The following ASS1 variants were observed in gnomAD, a reference collection of about 807,000 sequenced individuals.
ASS1 encodes the protein argininosuccinate synthase.
Under a neutral mutation model 60.5 loss-of-function variants are expected in ASS1, and 58 were observed. The observed-to-expected ratio is 0.96, with a 90% CI of 0.78 to 1.19. The LOEUF (loss-of-function observed/expected upper bound fraction) is 1.19. Among genes scored for constraint, ASS1 ranks in the 50% most tolerant of loss-of-function variants. The pLI, the probability that ASS1 is intolerant of heterozygous loss-of-function variation, is 0.00. For synonymous variants in ASS1, 200 were observed against 206.9 expected, an observed-to-expected ratio of 0.97 and a Z score of 0.29; for missense variants, 454 against 547.3, an observed-to-expected ratio of 0.83 and a Z score of 1.70.
chr9:130,499,731 C>T (rs542908950), intron 14 of ASS1, among the ~76,000 whole-genome samples, 161 bp downstream of exon 14: 70 of 152,274 alleles, frequency 4.6e-4, no homozygotes, highest in East Asian at 1.7e-3. Context: ...TGTCCATCTG[C>T]CCATAGCATC....
chr9:130,471,453 A>G (rs1288412395), intron 7 of ASS1, 32 bp from the exon 8 acceptor site: 2 of 1,613,634 alleles, frequency 1.2e-6, no homozygotes, highest in Admixed American at 1.7e-5. Flanking sequence ...GTCCCTCCCC[A>G]GCTGACCCTG....
intron 1 of ASS1, 50 bp downstream of exon 1, chr9:130,445,045 C>A: frequency 3.1e-6 from 2 of 648,104 alleles, no homozygotes; most frequent in African/African-American, 2.0e-5. Flanking sequence ...CCGAGAGCAC[C>A]CGCTTCCCGG....
intron 12 of ASS1, among the ~76,000 whole-genome samples, chr9:130,490,705 G>C (rs565316247): frequency 6.6e-6 from 1 of 152,176 alleles, no homozygotes; most frequent in African/African-American, 2.4e-5. Context: ...TGCCGGGCAC[G>C]GTGGCTCATG....
At position 130,478,435 on chromosome 9, in the gene ASS1, G is replaced by A. The variant is rs925506774; in HGVS notation, c.689-1281G>A. Among the ~76,000 whole-genome samples, 1 of 152,174 alleles carries A rather than the reference G, an allele frequency of 6.6e-6. No homozygotes were observed. Among genetic ancestry groups the A allele is most frequent in the South Asian group, 2.1e-4 (1 of 4,828 alleles). On this transcript the variant is annotated intron_variant, in intron 9 of 14. Transcript: ENST00000352480. This position sits in a 1 kb window ranked among gnomAD's most constrained non-coding sequence, Gnocchi z 4.7. ...CTCTGGCAGCCCTGCCCGAGGACCA[G>A]GGCAGCTCCGCAGGCTGAGCTGGAG...
At chr9:130,496,377 T>C (rs907799649) in intron 13 of ASS1, among the ~76,000 whole-genome samples, 1 of 151,764 alleles carries the variant, frequency 6.6e-6, no homozygotes, top group Non-Finnish European at 1.5e-5. Flanking sequence ...GCCATGATCA[T>C]GCCACTGCAC....
intron 4 of ASS1, 35 bp downstream of exon 4, chr9:130,458,624 T>C (rs548135720): frequency 1.2e-6 from 2 of 1,602,406 alleles, no homozygotes; most frequent in South Asian, 2.2e-5. Flanking sequence ...CAGAGGGAGA[T>C]GGAGGCGGAG....
chr9:130,462,058 G>A (rs1413015998), intron 4 of ASS1, among the ~76,000 whole-genome samples: 1 of 152,122 alleles, frequency 6.6e-6, no homozygotes, highest in Non-Finnish European at 1.5e-5. Flanking sequence ...AAATTGAGCC[G>A]CACTCTCCCC....
chr9:130,457,586 T>C (rs1187458651), intron 3 of ASS1, among the ~76,000 whole-genome samples: 1 of 152,322 alleles, frequency 6.6e-6, no homozygotes, highest in East Asian at 1.9e-4. Context: ...GTCTTGGCCT[T>C]GTTCCCGTGT....
intron 5 of ASS1, 141 bp downstream of exon 5, chr9:130,464,308 C>A: frequency 9.6e-7 from 1 of 1,043,704 alleles, no homozygotes; most frequent in Non-Finnish European, 1.5e-6. Flanking sequence ...GGTGGACAGC[C>A]TGCTGGGGAG....
In ASS1 at chr9:130,489,557, C is replaced by A. The variant is rs1564160595; in HGVS notation, c.970+93C>A. 2.5e-6 allele frequency: 4 copies of A among 1,585,884 alleles called. No homozygotes were observed. The East Asian group carries it at 8.9e-5, about 35-fold the overall frequency. ...TCGGGCCTGGCCCTCCCCTCCGTAT[C>A]AGCACCTTCCTCCCCTGCCGCCCAC... is the stretch of plus-strand genomic sequence containing the variant. On this transcript the variant is annotated intron_variant, in intron 12 of 14. Coordinates refer to ENST00000352480, the MANE Select transcript of ASS1 (RefSeq NM_054012.4). This position sits in a 1 kb window ranked among gnomAD's most constrained non-coding sequence, Gnocchi z 4.1.
intron 1 of ASS1, among the ~76,000 whole-genome samples, chr9:130,447,684 G>C (rs961823265): frequency 1.3e-5 from 2 of 152,212 alleles, no homozygotes; most frequent in African/African-American, 4.8e-5. Flanking sequence ...GTGGAGCTGG[G>C]ACTAGGGGAG....
rs1189054685 is a variant in ASS1, at chr9:130,487,803, T to A, written c.839-1530T>A. On this transcript the variant is annotated intron_variant, in intron 11 of 14. Coordinates refer to ENST00000352480, the MANE Select transcript of ASS1 (RefSeq NM_054012.4). ...TCTTGCTTTGTCACCCAGGCTGGAGTGCAGTGGTGTGAAATCAGCTCACTG... is the reference window on the plus strand; with the variant it reads ...TCTTGCTTTGTCACCCAGGCTGGAGAGCAGTGGTGTGAAATCAGCTCACTG... Among the ~76,000 whole-genome samples, 5 of 151,614 alleles carry A rather than the reference T, an allele frequency of 3.3e-5. No homozygotes were observed. In the South Asian group the frequency reaches 1.0e-3, roughly 32 times the overall value.
chr9:130,481,849 T>C (rs1276530966), intron 11 of ASS1, among the ~76,000 whole-genome samples: 3 of 152,200 alleles, frequency 2.0e-5, no homozygotes, highest in East Asian at 1.9e-4. Context: ...AACAACCTAA[T>C]TGAAGCTCTG....
chr9:130,466,462 A>T, intron 5 of ASS1: 1 of 556,326 alleles, frequency 1.8e-6, no homozygotes, highest in Non-Finnish European at 3.2e-6. Context: ...ACTGAGGCCC[A>T]GGGAACAGGG....
chr9:130,486,149 C>T (rs898497500), intron 11 of ASS1, among the ~76,000 whole-genome samples: 3 of 152,074 alleles, frequency 2.0e-5, no homozygotes, highest in African/African-American at 4.8e-5. Flanking sequence ...TTTGTAGAGA[C>T]GGGGTCTCCC....
At chr9:130,495,488 C>CAT (rs1846573230) in intron 13 of ASS1, among the ~76,000 whole-genome samples, 1 of 150,866 alleles carries the variant, frequency 6.6e-6, no homozygotes, top group Non-Finnish European at 1.5e-5. Flanking sequence ...CACACACACA[C>CAT]ACACACACAC....
At chr9:130,498,204 G>A (rs78441509) in intron 13 of ASS1, among the ~76,000 whole-genome samples, 1,862 of 152,294 alleles carry the variant, frequency 0.012, 47 homozygotes, top group African/African-American at 0.043. Flanking sequence ...CAGTCAGAGG[G>A]CCAGCCTCAG....
chr9:130,487,177 C>G (rs992865078), intron 11 of ASS1, among the ~76,000 whole-genome samples: 3 of 152,186 alleles, frequency 2.0e-5, no homozygotes, highest in African/African-American at 7.2e-5. Context: ...GGGCTTCTGC[C>G]GCAGGCTGTT....
At position 130,501,101 on chromosome 9, in the gene ASS1, T is replaced by C; in HGVS notation, c.*80T>C. 6.8e-7 allele frequency: 1 copy of C among 1,464,860 alleles called. No homozygotes were observed. The highest frequency in any genetic ancestry group is 9.5e-7 in the Non-Finnish European group (1 of 1,056,772). The allele number at this position is 1,464,860 out of a possible 1,614,324, so 90.7% of individuals were successfully genotyped here. Reference sequence around the variant, plus strand: ...AGGCGCTAATTGTTGTGATAATTTGTAATTGTGACTTGTTCTCCCCGGCTG... The same window carrying C: ...AGGCGCTAATTGTTGTGATAATTTGCAATTGTGACTTGTTCTCCCCGGCTG... On this transcript the variant is annotated 3_prime_UTR_variant, in exon 15 of 15. Coordinates refer to ENST00000352480, the MANE Select transcript of ASS1 (RefSeq NM_054012.4).
Sources: gnomAD v4.1 joint callset for allele counts (sites outside exome capture counted in the v4.1 genomes callset) on GRCh38, gnomAD v4.1.1 for gene constraint, Gnocchi (gnomAD v3.1) non-coding constraint, MANE v1.5 for transcripts, NCBI Gene and HGNC (gene_info 2026-07-23, HGNC 2026-07-21) for gene names.